The following EYA1 variants were observed in gnomAD, a reference collection of about 807,000 sequenced individuals.
EYA1 encodes protein phosphatase EYA1.
Under a neutral mutation model 82.0 loss-of-function variants are expected in EYA1, and 16 were observed. The observed-to-expected ratio is 0.20, with a 90% CI of 0.13 to 0.30. EYA1 has a LOEUF of 0.30. EYA1 is among the 10% of genes least tolerant of loss of function. EYA1 has a pLI of 1.00. For missense variants in EYA1, 633 were observed against 730.7 expected, an observed-to-expected ratio of 0.87 and a Z score of 1.54; for synonymous variants, 261 against 264.4, an observed-to-expected ratio of 0.99 and a Z score of 0.12.
At chr8:71,482,563 T>C (rs923778712) in intron 2 of EYA1, among the ~76,000 whole-genome samples, 1 of 152,242 alleles carries the variant, frequency 6.6e-6, no homozygotes, top group Admixed American at 6.5e-5. Flanking sequence ...AATGAATGCA[T>C]GTGTTCACCA....
intron 2 of EYA1, among the ~76,000 whole-genome samples, chr8:71,469,677 T>G (rs1809038609): frequency 6.6e-6 from 1 of 152,110 alleles, no homozygotes; most frequent in Non-Finnish European, 1.5e-5. Context: ...GCCCATTAGG[T>G]GCATCCCAGA....
rs568212499 is a variant in EYA1, at chr8:71,335,501, A to C, written c.125-1327T>G. ...TTGGAAAACAACAATCGTGAGACTA[A>C]TGGAAATCACTCTGCTGGATTGTTT... On this transcript the variant is annotated intron_variant, in intron 3 of 17. Coordinates refer to ENST00000340726, the MANE Select transcript of EYA1 (RefSeq NM_000503.6). Among the ~76,000 whole-genome samples, 3 of 152,352 alleles carry C rather than the reference A, an allele frequency of 2.0e-5. No individual in the cohort carries two copies. In the South Asian group the frequency reaches 6.2e-4, roughly 32 times the overall value.
intron 2 of EYA1, among the ~76,000 whole-genome samples, chr8:71,401,757 T>A (rs1829970042): frequency 6.6e-6 from 1 of 152,224 alleles, no homozygotes; most frequent in Non-Finnish European, 1.5e-5. Context: ...CCGCTTGGCA[T>A]TGAGAAAGCT....
intron 7 of EYA1, among the ~76,000 whole-genome samples, chr8:71,312,828 A>G (rs774517914): frequency 7.9e-5 from 12 of 152,224 alleles, no homozygotes; most frequent in Non-Finnish European, 1.8e-4. Flanking sequence ...TAAAAAGTAA[A>G]CAATAAATGT....
In EYA1 at chr8:71,473,368, AC is replaced by A. The variant is rs567966250; in HGVS notation, c.33+62375del. ...AACAAATTTACAAAAAAAAAAAAAA[AC>A]CCATCAAAAAGTGGGCAAAGGATAT... On this transcript the variant is annotated intron_variant, in intron 2 of 18. Coordinates refer to the EYA1 transcript ENST00000643681. 3.4e-3 allele frequency among the ~76,000 whole-genome samples: 501 copies of A among 146,746 alleles called. 3 individuals are homozygous for A. The highest frequency in any genetic ancestry group is 0.012 in the African/African-American group (474 of 38,950).
chr8:71,346,431 A>AATATATATATCTATAT (rs1554561504), intron 3 of EYA1, among the ~76,000 whole-genome samples: 3 of 105,492 alleles, frequency 2.8e-5, no homozygotes, highest in African/African-American at 1.0e-4. Context: ...TACTGCAGTG[A>AATATATATATCTATAT]ATATATATAT....
rs186302311 is a variant in EYA1, at chr8:71,288,855, T to C, written c.826+10192A>G. Among the ~76,000 whole-genome samples the C allele has an allele frequency of 4.3e-4, 66 of 152,302 alleles. 1 individual carries two copies. The Middle Eastern group carries it at 0.017, about 39-fold the overall frequency. Reference sequence around the variant, plus strand: ...ATAAAACTGAAAGAGTTAAAACTTATCTTAAATAATGATAATGAAGAAATG... The same window carrying C: ...ATAAAACTGAAAGAGTTAAAACTTACCTTAAATAATGATAATGAAGAAATG... On this transcript the variant is annotated intron_variant, in intron 9 of 17. Coordinates refer to ENST00000340726, the MANE Select transcript of EYA1 (RefSeq NM_000503.6).
At chr8:71,269,595 C>A (rs1388774257) in intron 11 of EYA1, 145 bp downstream of exon 11, 3 of 515,928 alleles carry the variant, frequency 5.8e-6, no homozygotes, top group Non-Finnish European at 6.7e-6. Context: ...TATTTTTTAC[C>A]TTACATATAT....
intron 2 of EYA1, among the ~76,000 whole-genome samples, chr8:71,506,068 A>G (rs1016289366): frequency 6.6e-6 from 1 of 152,168 alleles, no homozygotes; most frequent in African/African-American, 2.4e-5. Flanking sequence ...CTTCCCGGCC[A>G]TGTGGAACTG....
At chr8:71,210,259 A>G (rs1349423926) in intron 17 of EYA1, among the ~76,000 whole-genome samples, 5 of 152,264 alleles carry the variant, frequency 3.3e-5, no homozygotes, top group Admixed American at 6.5e-5. Context: ...TCTTAAAAGC[A>G]TAACAGAAAA....
chr8:71,302,705 T>C (rs868609336), intron 7 of EYA1, among the ~76,000 whole-genome samples: 1 of 141,638 alleles, frequency 7.1e-6, no homozygotes, highest in Non-Finnish European at 1.6e-5. Context: ...TGCCTTCACA[T>C]AGGACTTAGG....
At chr8:71,541,894 T>C (rs1815167246) in intron 1 of EYA1, among the ~76,000 whole-genome samples, 2 of 152,320 alleles carry the variant, frequency 1.3e-5, no homozygotes, top group South Asian at 4.1e-4. Context: ...AAACAGCTTC[T>C]CAGCCTACTA....
chr8:71,335,492 G>A (rs192693358), intron 3 of EYA1, among the ~76,000 whole-genome samples: 102 of 152,238 alleles, frequency 6.7e-4, no homozygotes, highest in African/African-American at 2.3e-3. Flanking sequence ...AACAACAATC[G>A]TGAGACTAAT....
intron 12 of EYA1, among the ~76,000 whole-genome samples, chr8:71,234,506 A>G (rs1266140900): frequency 6.6e-6 from 1 of 152,028 alleles, no homozygotes; most frequent in African/African-American, 2.4e-5. Context: ...CTCTGTCCTC[A>G]TCTTACTTGA....
At chr8:71,278,728 A>G (rs780031409) in intron 9 of EYA1, among the ~76,000 whole-genome samples, 2 of 152,156 alleles carry the variant, frequency 1.3e-5, no homozygotes, top group Non-Finnish European at 2.9e-5. Flanking sequence ...GTCTTGCTGC[A>G]CGACATGAAG....
chr8:71,477,226 C>T (rs2129207625), intron 2 of EYA1, among the ~76,000 whole-genome samples: 2 of 152,060 alleles, frequency 1.3e-5, no homozygotes, highest in African/African-American at 4.8e-5. Flanking sequence ...ATAAATTGGA[C>T]TTCATCAAAA....
chr8:71,262,571 T>C (rs1586061885), intron 11 of EYA1, among the ~76,000 whole-genome samples: 1 of 152,132 alleles, frequency 6.6e-6, no homozygotes. Flanking sequence ...GCAAGGGAGG[T>C]CCAAAGTTGC....
At chr8:71,461,374 A>T (rs1481735626) in intron 2 of EYA1, among the ~76,000 whole-genome samples, 1 of 152,158 alleles carries the variant, frequency 6.6e-6, no homozygotes, top group Non-Finnish European at 1.5e-5. Context: ...AGGCAGCTCC[A>T]GGTGCCAGCA....
At chr8:71,259,713 C>G (rs1435587179) in intron 11 of EYA1, among the ~76,000 whole-genome samples, 1 of 152,150 alleles carries the variant, frequency 6.6e-6, no homozygotes, top group Non-Finnish European at 1.5e-5. Flanking sequence ...AGACTCAAAA[C>G]AGATAGAAAG....
Sources: allele counts gnomAD v4.1 joint callset (sites outside exome capture counted in the v4.1 genomes callset), GRCh38; gene constraint gnomAD v4.1.1; transcripts MANE v1.5; gene names NCBI Gene and HGNC (gene_info 2026-07-23, HGNC 2026-07-21).